AGBL4: variants seen among roughly 807,000 people sequenced by gnomAD.
AGBL4 encodes AGBL carboxypeptidase 4, also known as cytosolic carboxypeptidase 6.
A neutral mutation model predicts 66.4 loss-of-function variants in AGBL4; 58 were observed. That is an observed-to-expected ratio of 0.87 (90% CI 0.71 to 1.09). The LOEUF (loss-of-function observed/expected upper bound fraction) is 1.09, where lower values mean the gene tolerates loss of function less well. AGBL4 is among the 50% of genes least tolerant of loss of function. The probability of loss-of-function intolerance (pLI) is 0.00; values close to 1 mark genes in which losing one functional copy is unlikely to be tolerated. For missense variants in AGBL4, 579 were observed against 631.0 expected, an observed-to-expected ratio of 0.92 and a Z score of 0.88; for synonymous variants, 234 against 222.9, an observed-to-expected ratio of 1.05 and a Z score of -0.44.
intron 3 of AGBL4, among the ~76,000 whole-genome samples, chr1:49,356,174 G>C (rs191405388): frequency 6.6e-6 from 1 of 152,156 alleles, no homozygotes; most frequent in Non-Finnish European, 1.5e-5. Flanking sequence ...ATCCTGGGGG[G>C]ATCAGAAGAA....
At chr1:49,825,875 C>A (rs1645496369) in intron 2 of AGBL4, among the ~76,000 whole-genome samples, 4 of 151,226 alleles carry the variant, frequency 2.6e-5, no homozygotes, top group African/African-American at 9.8e-5. Context: ...ACACACACAC[C>A]TTTTTGGTTC....
chr1:49,352,755 A>G (rs550321638), intron 3 of AGBL4, among the ~76,000 whole-genome samples: 1 of 152,358 alleles, frequency 6.6e-6, no homozygotes, highest in Non-Finnish European at 1.5e-5. Context: ...CATCAAGAAA[A>G]GCTGAGCACT....
intron 7 of AGBL4, among the ~76,000 whole-genome samples, chr1:48,656,645 T>C (rs1646025478): frequency 6.6e-6 from 1 of 152,098 alleles, no homozygotes; most frequent in Non-Finnish European, 1.5e-5. Flanking sequence ...GATGCAGCCA[T>C]AAAAAGAATA....
intron 4 of AGBL4, among the ~76,000 whole-genome samples, chr1:49,086,317 C>T (rs1644906448): frequency 6.6e-6 from 1 of 152,076 alleles, no homozygotes; most frequent in Admixed American, 6.5e-5. Context: ...GCTTCCAGTC[C>T]AGCGGTCTTA....
intron 4 of AGBL4, among the ~76,000 whole-genome samples, chr1:49,120,926 C>T (rs1373821896): frequency 6.7e-6 from 1 of 149,464 alleles, no homozygotes; most frequent in Non-Finnish European, 1.5e-5. Flanking sequence ...TTTCCTCTAA[C>T]CTTGCCTTCT....
intron 6 of AGBL4, among the ~76,000 whole-genome samples, chr1:48,840,946 G>GCC (rs879523448): frequency 0.17 from 25,313 of 152,028 alleles, 2,644 homozygotes; most frequent in East Asian, 0.41. Context: ...CAATGAAAAG[G>GCC]CATGAACTAT....
chr1:49,387,239 C>G (rs1348287824), intron 3 of AGBL4, among the ~76,000 whole-genome samples: 1 of 151,908 alleles, frequency 6.6e-6, no homozygotes, highest in African/African-American at 2.4e-5. Flanking sequence ...ACAAATTACA[C>G]ATAGATGACA....
At chr1:49,277,989 C>T (rs1485511538) in intron 3 of AGBL4, among the ~76,000 whole-genome samples, 1 of 152,122 alleles carries the variant, frequency 6.6e-6, no homozygotes, top group Non-Finnish European at 1.5e-5. Context: ...ACTTTACCTA[C>T]AAAATCTCAT....
intron 3 of AGBL4, among the ~76,000 whole-genome samples, chr1:49,528,037 A>G (rs756002387): frequency 5.3e-5 from 8 of 152,212 alleles, no homozygotes; most frequent in Non-Finnish European, 1.0e-4. Context: ...GAGAGACAGC[A>G]AGTCTCTGGG....
At chr1:49,741,923 G>A (rs1650523774) in intron 2 of AGBL4, among the ~76,000 whole-genome samples, 1 of 152,034 alleles carries the variant, frequency 6.6e-6, no homozygotes, top group Non-Finnish European at 1.5e-5. Flanking sequence ...AGCTATCTAT[G>A]ACAAACCCAC....
chr1:49,307,957 C>T (rs757869391), intron 3 of AGBL4, among the ~76,000 whole-genome samples: 6 of 152,010 alleles, frequency 3.9e-5, no homozygotes, highest in Non-Finnish European at 7.4e-5. Context: ...AGGTGGGGCC[C>T]GGTGGGAGGT....
intron 11 of AGBL4, among the ~76,000 whole-genome samples, chr1:48,552,615 T>C (rs1644265351): frequency 6.6e-6 from 1 of 152,130 alleles, no homozygotes; most frequent in South Asian, 2.1e-4. Flanking sequence ...TCCCACTAGA[T>C]GTCAGCAGCA....
chr1:49,813,628 G>T (rs1203548429), intron 2 of AGBL4, among the ~76,000 whole-genome samples: 2 of 152,106 alleles, frequency 1.3e-5, no homozygotes, highest in African/African-American at 4.8e-5. Flanking sequence ...ACAAAACACT[G>T]TACTAGGTGC....
At chr1:49,136,079 G>A (rs962318191) in intron 4 of AGBL4, among the ~76,000 whole-genome samples, 1 of 152,054 alleles carries the variant, frequency 6.6e-6, no homozygotes, top group Non-Finnish European at 1.5e-5. Context: ...ATCCAAAACT[G>A]TAAAGAAATA....
intron 6 of AGBL4, among the ~76,000 whole-genome samples, chr1:48,822,971 A>C (rs138079619): frequency 6.6e-6 from 1 of 152,332 alleles, no homozygotes; most frequent in East Asian, 1.9e-4. Context: ...TAGAATGCAA[A>C]CCTAGGTCTC....
chr1:49,270,858 C>A (rs1644043034), intron 3 of AGBL4, among the ~76,000 whole-genome samples: 1 of 152,104 alleles, frequency 6.6e-6, no homozygotes, highest in Non-Finnish European at 1.5e-5. Flanking sequence ...TTATTCCAAA[C>A]AATTGACGAG....
intron 4 of AGBL4, among the ~76,000 whole-genome samples, chr1:49,157,551 T>C (rs928696953): frequency 6.6e-6 from 1 of 152,170 alleles, no homozygotes; most frequent in African/African-American, 2.4e-5. Flanking sequence ...TACGAGTGCA[T>C]GTGTCTTTAT....
intron 6 of AGBL4, among the ~76,000 whole-genome samples, chr1:48,858,141 C>T (rs1647225555): frequency 6.6e-6 from 1 of 152,164 alleles, no homozygotes; most frequent in African/African-American, 2.4e-5. Context: ...TACCACTTTA[C>T]ACCCATTAGG....
At chr1:48,663,043 A>C (rs1570172203) in intron 7 of AGBL4, 109 bp downstream of exon 7, 5 of 1,017,888 alleles carry the variant, frequency 4.9e-6, no homozygotes, top group Non-Finnish European at 7.4e-6. Flanking sequence ...AAATGCATTA[A>C]ATTTCCATTT....
Sources: allele counts gnomAD v4.1 joint callset (sites outside exome capture counted in the v4.1 genomes callset), GRCh38; gene constraint gnomAD v4.1.1; transcripts MANE v1.5; gene names NCBI Gene and HGNC (gene_info 2026-07-23, HGNC 2026-07-21).